Variants in PCNX1 observed in about 807,000 individuals in gnomAD.
PCNX1 encodes pecanex 1.
PCNX1 carries 78 observed loss-of-function variants against 242.2 expected under a neutral mutation model. The observed-to-expected ratio is 0.32, with a 90% confidence interval of 0.27 to 0.39. The LOEUF (loss-of-function observed/expected upper bound fraction) is 0.39, where lower values mean the gene tolerates loss of function less well. Ranked by LOEUF, PCNX1 falls within the 10% of genes least tolerant of loss-of-function variation. The probability of loss-of-function intolerance (pLI) is 1.00; values close to 1 mark genes in which losing one functional copy is unlikely to be tolerated. For synonymous variants in PCNX1, 1,024 were observed against 1,032.9 expected, an observed-to-expected ratio of 0.99 and a Z score of 0.17; for missense variants, 2,581 against 2,856.5, an observed-to-expected ratio of 0.90 and a Z score of 2.20.
intron 24 of PCNX1, chr14:71,053,247 CT>C (rs1566752123): frequency 4.4e-6 from 2 of 452,798 alleles, no homozygotes; most frequent in Non-Finnish European, 8.8e-6. Context: ...TTTAGAACCC[CT>C]TTATACTCTT....
intron 8 of PCNX1, among the ~76,000 whole-genome samples, chr14:71,008,569 T>C (rs1355469130): frequency 7.1e-6 from 1 of 140,680 alleles, no homozygotes; most frequent in Non-Finnish European, 1.5e-5. Flanking sequence ...GGCAGGAGAA[T>C]GGTGTGAACC....
At chr14:70,992,542 G>GCAGTAT (rs2059198516) in intron 7 of PCNX1, among the ~76,000 whole-genome samples, 1 of 125,394 alleles carries the variant, frequency 8.0e-6, no homozygotes, top group Non-Finnish European at 1.6e-5. Context: ...GAGACACATA[G>GCAGTAT]AAAGGTAACT....
chr14:71,061,714 T>TGC (rs2061330367), intron 26 of PCNX1, among the ~76,000 whole-genome samples: 1 of 152,164 alleles, frequency 6.6e-6, no homozygotes, highest in Admixed American at 6.6e-5. Flanking sequence ...ATCTGTGACT[T>TGC]CAAAGGATTT....
At chr14:70,976,556 G>A (rs1353026895) in intron 5 of PCNX1, among the ~76,000 whole-genome samples, 1 of 151,984 alleles carries the variant, frequency 6.6e-6, no homozygotes, top group Non-Finnish European at 1.5e-5. Context: ...TGTATTTTTA[G>A]TAGAGACGGA....
intron 2 of PCNX1, among the ~76,000 whole-genome samples, chr14:70,948,772 T>C (rs1439125005): frequency 6.8e-6 from 1 of 146,788 alleles, no homozygotes; most frequent in Admixed American, 6.8e-5. Context: ...TACACATATA[T>C]GTATAGTGTA....
At chr14:70,996,114 T>C (rs2059344007) in intron 8 of PCNX1, among the ~76,000 whole-genome samples, 189 bp downstream of exon 8, 1 of 152,218 alleles carries the variant, frequency 6.6e-6, no homozygotes, top group South Asian at 2.1e-4. Context: ...TTCTCTCTAC[T>C]CTTATTCTGC....
rs748104210 is a variant in PCNX1, at chr14:71,012,972, G to A, written c.2779-13G>A. The A allele has an allele frequency of 5.1e-6, 8 of 1,575,242 alleles. No homozygotes were observed. The East Asian group carries it at 1.3e-4, about 26-fold the overall frequency. On this transcript the variant is annotated splice_polypyrimidine_tract_variant and intron_variant, in intron 10 of 35. Transcript: ENST00000304743. The stretch of plus-strand genomic sequence containing the variant: ...AAGATATTTTAAGCCTTTCAATGCT[G>A]ACTTTCTTTTAGCTCTCTCTCCCAC...
intron 5 of PCNX1, among the ~76,000 whole-genome samples, chr14:70,975,006 G>A (rs954222867): frequency 6.6e-6 from 1 of 151,932 alleles, no homozygotes; most frequent in Non-Finnish European, 1.5e-5. Context: ...AGTAAGTTTG[G>A]CTGTGTCTTT....
At chr14:70,964,001 A>G (rs1000986775) in intron 3 of PCNX1, among the ~76,000 whole-genome samples, 13 of 152,098 alleles carry the variant, frequency 8.5e-5, no homozygotes, top group African/African-American at 3.1e-4. Context: ...AGATGTCAAG[A>G]GTTTTTTTGT....
rs151261175 is a variant in PCNX1 at position 70,937,896 on chromosome 14, A to G, written c.154-9019A>G. Among the ~76,000 whole-genome samples, 1,317 of 152,244 alleles carry G rather than the reference A, an allele frequency of 8.7e-3. 26 individuals are homozygous for G. The highest frequency in any genetic ancestry group is 0.03 in the African/African-American group (1,228 of 41,552). On this transcript the variant is annotated intron_variant, in intron 1 of 35. Coordinates refer to ENST00000304743, the MANE Select transcript of PCNX1 (RefSeq NM_014982.3). ...AAGGTATTTTATTCTCTTTGAAGCA[A>G]TTGTGAATGGGAGTTCATTCATGAT...
At chr14:71,029,214 A>G in intron 16 of PCNX1, among the ~76,000 whole-genome samples, 1 of 152,136 alleles carries the variant, frequency 6.6e-6, no homozygotes, top group East Asian at 1.9e-4. Flanking sequence ...ATATACTGAA[A>G]TTTAACGTCA....
At chr14:70,988,528 A>G in intron 6 of PCNX1, 39 bp from the exon 7 acceptor site, 1 of 1,605,104 alleles carries the variant, frequency 6.2e-7, no homozygotes, top group Non-Finnish European at 8.5e-7. Flanking sequence ...TACATCTCTG[A>G]CCTAGGCTCT....
intron 3 of PCNX1, among the ~76,000 whole-genome samples, chr14:70,964,865 C>T (rs1424264122): frequency 1.3e-5 from 2 of 152,072 alleles, no homozygotes; most frequent in Admixed American, 6.6e-5. Flanking sequence ...TTAGTGTTTT[C>T]GTTTTATACT....
intron 28 of PCNX1, among the ~76,000 whole-genome samples, chr14:71,083,116 A>G (rs1381996947): frequency 1.3e-5 from 2 of 152,316 alleles, no homozygotes; most frequent in East Asian, 1.9e-4. Flanking sequence ...TATGAAGCTT[A>G]GTTTGGCTGG....
intron 1 of PCNX1, among the ~76,000 whole-genome samples, chr14:70,945,140 G>A (rs577863532): frequency 1.5e-3 from 232 of 152,218 alleles, no homozygotes; most frequent in Non-Finnish European, 2.9e-3. Flanking sequence ...ACCAGCCCCG[G>A]CTCCTGAGGC....
intron 12 of PCNX1, among the ~76,000 whole-genome samples, chr14:71,020,783 A>G (rs1292974306): frequency 2.6e-5 from 4 of 152,060 alleles, no homozygotes; most frequent in African/African-American, 9.7e-5. Flanking sequence ...CCATTTGTCT[A>G]TTTTGGCTTT....
rs139496153 is a variant in PCNX1 at position 70,975,302 on chromosome 14, G to A, written c.605-1640G>A. ...TTTGATATTTAGAAGATATAAGAACGCAACTACAGTAGCAGCTGTGTTGGG... is the reference window on the plus strand; with the variant it reads ...TTTGATATTTAGAAGATATAAGAACACAACTACAGTAGCAGCTGTGTTGGG... On this transcript the variant is annotated intron_variant, in intron 5 of 35. Coordinates refer to ENST00000304743, the MANE Select transcript of PCNX1 (RefSeq NM_014982.3). Among the ~76,000 whole-genome samples the A allele has an allele frequency of 4.0e-3, 613 of 151,664 alleles. 1 individual carries two copies. The highest frequency in any genetic ancestry group is 5.8e-3 in the Admixed American group (88 of 15,184).
At chr14:71,031,749 G>A (rs1338430599) in intron 16 of PCNX1, 7 of 1,239,882 alleles carry the variant, frequency 5.6e-6, no homozygotes, top group Admixed American at 3.5e-5. Flanking sequence ...TCACATCAAC[G>A]ACATTTTTGG....
At chr14:70,926,238 A>G (rs1003845703) in intron 1 of PCNX1, among the ~76,000 whole-genome samples, 14 of 152,252 alleles carry the variant, frequency 9.2e-5, no homozygotes, top group African/African-American at 3.1e-4. Context: ...CACATTATAA[A>G]TGGATTTCAT....
Sources: gnomAD v4.1 joint callset for allele counts (sites outside exome capture counted in the v4.1 genomes callset) on GRCh38, gnomAD v4.1.1 for gene constraint, MANE v1.5 for transcripts, NCBI Gene and HGNC (gene_info 2026-07-23, HGNC 2026-07-21) for gene names.